RAPGEF4: variants seen among roughly 807,000 people sequenced by gnomAD.
RAPGEF4 encodes the protein Rap guanine nucleotide exchange factor 4.
Under a neutral mutation model 147.9 loss-of-function variants are expected in RAPGEF4, and 66 were observed. The ratio of observed to expected loss-of-function variants is 0.45; its 90% CI spans 0.37 to 0.55. RAPGEF4 has a LOEUF of 0.55. RAPGEF4 is among the 20% of genes least tolerant of loss of function. RAPGEF4 has a pLI of 0.00. For missense variants in RAPGEF4, 1,071 were observed against 1,257.3 expected (o/e 0.85, Z 2.24); for synonymous variants, 419 against 442.7 (o/e 0.95, Z 0.67).
At chr2:172,896,832 T>C (rs2149934606) in intron 4 of RAPGEF4, among the ~76,000 whole-genome samples, 1 of 152,348 alleles carries the variant, frequency 6.6e-6, no homozygotes, top group South Asian at 2.1e-4. Flanking sequence ...TTGGGTTTTG[T>C]GTGCTTGGTT....
At chr2:172,910,486 A>G (rs1365301763) in intron 4 of RAPGEF4, among the ~76,000 whole-genome samples, 1 of 152,230 alleles carries the variant, frequency 6.6e-6, no homozygotes, top group Non-Finnish European at 1.5e-5. Flanking sequence ...CACCAAATGT[A>G]GTGTCATGAA....
At chr2:173,044,739 G>A (rs918220647) in intron 29 of RAPGEF4, among the ~76,000 whole-genome samples, 1 of 152,266 alleles carries the variant, frequency 6.6e-6, no homozygotes. Flanking sequence ...ACACGGATCC[G>A]GAGCGCCTTC....
intron 26 of RAPGEF4, among the ~76,000 whole-genome samples, chr2:173,032,001 A>G (rs1697234988): frequency 6.6e-6 from 1 of 152,142 alleles, no homozygotes; most frequent in Non-Finnish European, 1.5e-5. Context: ...GCCTGGCCTC[A>G]TGGAACTAGG....
chr2:172,938,214 TAC>T (rs57780996), intron 6 of RAPGEF4, among the ~76,000 whole-genome samples: 6,528 of 148,078 alleles, frequency 0.044, 408 homozygotes, highest in African/African-American at 0.14. Context: ...TATCTGTAAG[TAC>T]ACACACACAC....
intron 1 of RAPGEF4, among the ~76,000 whole-genome samples, chr2:172,767,977 A>AT (rs1559031470): frequency 1.3e-5 from 2 of 151,460 alleles, no homozygotes; most frequent in African/African-American, 4.9e-5. Flanking sequence ...TGCCCAGCTC[A>AT]TTTTTTTTAT....
At chr2:172,864,498 G>A (rs112494536) in intron 4 of RAPGEF4, among the ~76,000 whole-genome samples, 9 of 152,258 alleles carry the variant, frequency 5.9e-5, no homozygotes, top group South Asian at 4.2e-4. Context: ...TACGTCCCCC[G>A]ATTTAGGTCC....
chr2:172,990,776 C>A, intron 14 of RAPGEF4, 34 bp from the exon 15 acceptor site: 1 of 1,504,738 alleles, frequency 6.6e-7, no homozygotes, highest in Non-Finnish European at 9.2e-7. Context: ...GAGTAAGCGG[C>A]AGCATCTGTA....
chr2:172,932,575 T>C (rs547091721), intron 6 of RAPGEF4, among the ~76,000 whole-genome samples: 51 of 152,372 alleles, frequency 3.3e-4, no homozygotes, highest in African/African-American at 1.1e-3. Context: ...TTTTATTTCC[T>C]CTGTAGAAAT....
At chr2:172,866,920 A>T (rs997694888) in intron 4 of RAPGEF4, among the ~76,000 whole-genome samples, 4 of 151,280 alleles carry the variant, frequency 2.6e-5, no homozygotes, top group Non-Finnish European at 1.5e-5. Context: ...AAATTTTAGA[A>T]TGCGAAAGTC....
chr2:172,902,534 C>G (rs2149966320), intron 4 of RAPGEF4, among the ~76,000 whole-genome samples: 1 of 152,198 alleles, frequency 6.6e-6, no homozygotes, highest in South Asian at 2.1e-4. Flanking sequence ...ATGCCTGGAT[C>G]TTTAAGCTTA....
intron 1 of RAPGEF4, among the ~76,000 whole-genome samples, chr2:172,750,120 C>T (rs1695135265): frequency 6.6e-6 from 1 of 151,996 alleles, no homozygotes; most frequent in South Asian, 2.1e-4. Flanking sequence ...TCTTCTGAGC[C>T]CTCCAAACTA....
intron 6 of RAPGEF4, among the ~76,000 whole-genome samples, chr2:172,950,371 GGATT>G (rs1029002144): frequency 2.3e-4 from 35 of 152,146 alleles, no homozygotes; most frequent in Middle Eastern, 3.4e-3. Flanking sequence ...ATAAGGATAA[GGATT>G]GATCCATTCA....
intron 10 of RAPGEF4, 149 bp downstream of exon 10, chr2:172,967,593 C>T (rs940742719): frequency 1.3e-6 from 1 of 749,286 alleles, no homozygotes; most frequent in Admixed American, 3.2e-5. Context: ...CACAGCAGTG[C>T]TTGTCTCTGT....
intron 4 of RAPGEF4, chr2:172,821,924 T>C (rs1386283669): frequency 8.7e-6 from 14 of 1,613,576 alleles, no homozygotes; most frequent in Non-Finnish European, 1.2e-5. Context: ...AGATGCTCAC[T>C]GGATGTCTGA....
At chr2:172,845,298 G>T (rs139612569) in intron 4 of RAPGEF4, among the ~76,000 whole-genome samples, 1 of 152,132 alleles carries the variant, frequency 6.6e-6, no homozygotes, top group Non-Finnish European at 1.5e-5. Flanking sequence ...AGAAGTCATC[G>T]CCTCTTATGC....
chr2:172,755,457 C>T (rs2149452072), intron 1 of RAPGEF4, among the ~76,000 whole-genome samples: 1 of 152,284 alleles, frequency 6.6e-6, no homozygotes, highest in African/African-American at 2.4e-5. Context: ...TGCAGTGGTG[C>T]AATCTCGGCT....
At chr2:172,882,972 T>C (rs1696786675) in intron 4 of RAPGEF4, among the ~76,000 whole-genome samples, 1 of 152,152 alleles carries the variant, frequency 6.6e-6, no homozygotes. Context: ...GTCATTAAAT[T>C]TTAAATTTGT....
intron 4 of RAPGEF4, among the ~76,000 whole-genome samples, chr2:172,902,899 C>G (rs547661214): frequency 1.3e-5 from 2 of 152,260 alleles, no homozygotes; most frequent in African/African-American, 4.8e-5. Flanking sequence ...ACGGTGATTC[C>G]TACTACATAT....
intron 15 of RAPGEF4, among the ~76,000 whole-genome samples, chr2:172,994,490 T>C (rs1326829983): frequency 6.6e-6 from 1 of 152,208 alleles, no homozygotes; most frequent in African/African-American, 2.4e-5. Context: ...CTGAGCGGTC[T>C]CTCCATCTGC....
Sources: allele counts gnomAD v4.1 joint callset (sites outside exome capture counted in the v4.1 genomes callset), GRCh38; gene constraint gnomAD v4.1.1; transcripts MANE v1.5; gene names NCBI Gene and HGNC (gene_info 2026-07-23, HGNC 2026-07-21).